The following FGF14 variants were observed in gnomAD, a reference collection of about 807,000 sequenced individuals.
The protein encoded by FGF14 is fibroblast growth factor homologous factor 4.
FGF14 carries 5 observed loss-of-function variants against 25.5 expected under a neutral mutation model. The ratio of observed to expected loss-of-function variants is 0.20; its 90% CI spans 0.10 to 0.41. The LOEUF (loss-of-function observed/expected upper bound fraction) is 0.41. Ranked by LOEUF, FGF14 falls within the 10% of genes least tolerant of loss-of-function variation. The probability of loss-of-function intolerance (pLI) is 1.00; values close to 1 mark genes in which losing one functional copy is unlikely to be tolerated. For missense variants in FGF14, 222 were observed against 320.1 expected (o/e 0.69, Z 2.34); for synonymous variants, 138 against 118.3 (o/e 1.17, Z -1.08).
chr13:101,797,341 C>G (rs2040586251), intron 3 of FGF14, among the ~76,000 whole-genome samples: 1 of 152,044 alleles, frequency 6.6e-6, no homozygotes, highest in Non-Finnish European at 1.5e-5. Flanking sequence ...TCAAAGAGTA[C>G]TTTCTGGACA....
chr13:102,348,573 A>G (rs2057181104), intron 1 of FGF14, among the ~76,000 whole-genome samples: 1 of 152,256 alleles, frequency 6.6e-6, no homozygotes, highest in Admixed American at 6.5e-5. Context: ...TCACAAAGAT[A>G]ATCGAGAAAA....
chr13:102,138,783 G>A (rs76572409), intron 1 of FGF14, among the ~76,000 whole-genome samples: 7,441 of 152,240 alleles, frequency 0.049, 372 homozygotes, highest in East Asian at 0.2. Context: ...ATTAAGTGAA[G>A]CAAAGTTATT....
At chr13:101,759,519 G>A (rs1010979819) in intron 3 of FGF14, among the ~76,000 whole-genome samples, 1 of 152,112 alleles carries the variant, frequency 6.6e-6, no homozygotes, top group African/African-American at 2.4e-5. Flanking sequence ...TTCTCTGAGT[G>A]CCCATTACCC....
At chr13:102,191,499 C>T (rs1012070681) in intron 1 of FGF14, among the ~76,000 whole-genome samples, 2 of 152,086 alleles carry the variant, frequency 1.3e-5, no homozygotes, top group Non-Finnish European at 2.9e-5. Flanking sequence ...CTTTTAAGGG[C>T]ACTAATCCCA....
At chr13:101,881,540 T>C (rs1007176937) in intron 1 of FGF14, among the ~76,000 whole-genome samples, 3 of 152,160 alleles carry the variant, frequency 2.0e-5, no homozygotes, top group African/African-American at 7.2e-5. Context: ...AATTGCAAAA[T>C]ACAATCAGCA....
intron 1 of FGF14, among the ~76,000 whole-genome samples, chr13:101,894,853 C>T (rs1184009907): frequency 1.3e-5 from 2 of 152,244 alleles, no homozygotes; most frequent in South Asian, 2.1e-4. Context: ...TTCAACTTTG[C>T]CTTTCCAGCA....
intron 1 of FGF14, among the ~76,000 whole-genome samples, chr13:102,039,648 A>T (rs1429591307): frequency 6.6e-6 from 1 of 152,146 alleles, no homozygotes; most frequent in African/African-American, 2.4e-5. Flanking sequence ...ATATTGGATT[A>T]TGGCCCACCC....
chr13:101,856,232 G>T (rs777390637), intron 3 of FGF14, among the ~76,000 whole-genome samples: 1 of 151,726 alleles, frequency 6.6e-6, no homozygotes, highest in African/African-American at 2.4e-5. Flanking sequence ...GGTAAAAATT[G>T]TCTAGACAAC....
At chr13:101,952,308 C>A (rs1361775782) in intron 1 of FGF14, among the ~76,000 whole-genome samples, 8 of 151,994 alleles carry the variant, frequency 5.3e-5, no homozygotes, top group African/African-American at 1.5e-4. Context: ...AGAAGTTTCC[C>A]TTTGTTATAC....
intron 1 of FGF14, among the ~76,000 whole-genome samples, chr13:102,188,415 C>T (rs1394255616): frequency 6.6e-6 from 1 of 152,140 alleles, no homozygotes; most frequent in Non-Finnish European, 1.5e-5. Flanking sequence ...CAGGTTATTT[C>T]AATTATCTGT....
At chr13:102,044,236 C>A (rs2041875092) in intron 1 of FGF14, among the ~76,000 whole-genome samples, 1 of 152,172 alleles carries the variant, frequency 6.6e-6, no homozygotes, top group African/African-American at 2.4e-5. Context: ...CCAAATGAAT[C>A]CTGACTTACA....
intron 4 of FGF14, 69 bp from the exon 5 acceptor site, chr13:101,723,036 T>C (rs2035101418): frequency 3.2e-6 from 5 of 1,570,242 alleles, no homozygotes; most frequent in Non-Finnish European, 4.4e-6. Flanking sequence ...GGTCCATCCA[T>C]ACCTGCATAG....
chr13:102,007,654 T>G (rs541340800), intron 1 of FGF14, among the ~76,000 whole-genome samples: 1 of 152,284 alleles, frequency 6.6e-6, no homozygotes, highest in South Asian at 2.1e-4. Flanking sequence ...CTCTTTATAT[T>G]AATTGCCAAG....
At chr13:101,899,690 T>C (rs976498105) in intron 1 of FGF14, among the ~76,000 whole-genome samples, 3 of 151,868 alleles carry the variant, frequency 2.0e-5, no homozygotes, top group African/African-American at 7.2e-5. Flanking sequence ...TGAAAAGCAA[T>C]ATATTCTGAT....
intron 1 of FGF14, among the ~76,000 whole-genome samples, chr13:102,152,890 G>A (rs980674217): frequency 4.6e-5 from 7 of 152,272 alleles, no homozygotes; most frequent in African/African-American, 7.2e-5. Context: ...TGAGGGGGCC[G>A]TTTAAGAGGT....
At chr13:102,164,193 C>A (rs987155640) in intron 1 of FGF14, among the ~76,000 whole-genome samples, 1 of 152,170 alleles carries the variant, frequency 6.6e-6, no homozygotes. Flanking sequence ...AGAAATAAAT[C>A]TTTCTCTTTG....
At chr13:101,932,529 A>G (rs2034822475) in intron 1 of FGF14, among the ~76,000 whole-genome samples, 1 of 147,664 alleles carries the variant, frequency 6.8e-6, no homozygotes. Context: ...GTGAGACTCC[A>G]TGTCAAAAAA....
At chr13:101,944,031 TA>T (rs1384351706) in intron 1 of FGF14, among the ~76,000 whole-genome samples, 12 of 145,600 alleles carry the variant, frequency 8.2e-5, no homozygotes, top group Admixed American at 8.2e-4. Context: ...AAAAACATGG[TA>T]AAAAACAAAA....
chr13:101,920,085 G>T (rs2033887166), upstream of FGF14, among the ~76,000 whole-genome samples: 1 of 152,164 alleles, frequency 6.6e-6, no homozygotes, highest in Admixed American at 6.5e-5. Flanking sequence ...AGTTGTTTAC[G>T]GATGGAGGTA....
Sources: gnomAD v4.1 joint callset for allele counts (sites outside exome capture counted in the v4.1 genomes callset) on GRCh38, gnomAD v4.1.1 for gene constraint, MANE v1.5 for transcripts, NCBI Gene and HGNC (gene_info 2026-07-23, HGNC 2026-07-21) for gene names.